The following BRF1 variants were observed in gnomAD, a reference collection of about 807,000 sequenced individuals.
The protein encoded by BRF1 is transcription factor IIIB 90 kDa subunit.
BRF1 carries 59 observed loss-of-function variants against 81.7 expected under a neutral mutation model. The observed-to-expected ratio is 0.72, with a 90% CI of 0.59 to 0.90. BRF1 has a LOEUF of 0.90. BRF1 is among the 40% of genes least tolerant of loss of function. BRF1 has a pLI of 0.00. For missense variants in BRF1, 1,050 were observed against 936.3 expected (o/e 1.12, Z -1.58); for synonymous variants, 491 against 395.6 (o/e 1.24, Z -2.86).
intron 3 of BRF1, among the ~76,000 whole-genome samples, chr14:105,257,350 C>G (rs2055929842): frequency 1.3e-5 from 2 of 152,152 alleles, no homozygotes; most frequent in African/African-American, 2.4e-5. Flanking sequence ...TCCCCGGGAC[C>G]AGAGCAGCAA....
At chr14:105,272,124 G>C (rs1392069282) in intron 3 of BRF1, among the ~76,000 whole-genome samples, 16 of 93,184 alleles carry the variant, frequency 1.7e-4, no homozygotes, top group East Asian at 2.9e-4. Context: ...TGAGGGTCGG[G>C]GGCCTCCTCG....
At chr14:105,296,697 A>AT in intron 1 of BRF1, among the ~76,000 whole-genome samples, 1 of 151,906 alleles carries the variant, frequency 6.6e-6, no homozygotes, top group Non-Finnish European at 1.5e-5. Flanking sequence ...AAAAGAAAAA[A>AT]AAAAAAAAAC....
rs903701443 is a variant in BRF1, at chr14:105,209,830, G to C, written c.*721C>G. The C allele has an allele frequency of 2.0e-6, 1 of 505,118 alleles. No individual in the cohort carries two copies. Among genetic ancestry groups the C allele is most frequent in the East Asian group, 3.4e-5 (1 of 29,566 alleles). The allele number at this position is 505,118 out of a possible 1,614,324, so 31.3% of individuals were successfully genotyped here. A position where few individuals can be genotyped will look rare whatever the true frequency, so the allele number is the denominator to read the frequency against. The stretch of plus-strand genomic sequence containing the variant: ...CTCAGTTCACCTGCCGGCAGCCGCA[G>C]GGCTCCTGGGCCCACAACTCAAGTG... On this transcript the variant is annotated 3_prime_UTR_variant, in exon 18 of 18. Transcript: ENST00000547530.
At chr14:105,303,968 C>A (rs144095789), upstream of BRF1, among the ~76,000 whole-genome samples, 20 of 152,336 alleles carry the variant, frequency 1.3e-4, no homozygotes, top group Middle Eastern at 6.8e-3. Flanking sequence ...CAATCTGAGG[C>A]CATGTGGCCA....
intron 5 of BRF1, chr14:105,250,054 C>CT (rs749432036): frequency 3.7e-5 from 60 of 1,612,884 alleles, no homozygotes; most frequent in Non-Finnish European, 4.8e-5. Context: ...GGCGAGCCCT[C>CT]TATCTGGTCC....
chr14:105,278,636 T>C (rs911974534), intron 2 of BRF1, among the ~76,000 whole-genome samples: 7 of 151,952 alleles, frequency 4.6e-5, no homozygotes, highest in Admixed American at 3.3e-4. Flanking sequence ...CAGGGTGCAG[T>C]GGCTCACACC....
chr14:105,285,821 G>A (rs1307276895), intron 2 of BRF1, among the ~76,000 whole-genome samples: 2 of 152,026 alleles, frequency 1.3e-5, no homozygotes, highest in African/African-American at 2.4e-5. Flanking sequence ...TCACACATCC[G>A]ATAAACGACT....
Position 105,249,873 on chromosome 14 carries a change from G to A in BRF1, c.544+2634C>T, listed in dbSNP as rs139997998. On this transcript the variant is annotated intron_variant, in intron 5 of 17. Coordinates refer to ENST00000547530, the MANE Select transcript of BRF1 (RefSeq NM_001519.4). Reference sequence around the variant, plus strand: ...GACGCACAGGCCGAGATGGCCCTACGGTCCGAAGGCTTCTGTGAGATAGAC... The same window carrying A: ...GACGCACAGGCCGAGATGGCCCTACAGTCCGAAGGCTTCTGTGAGATAGAC... 1.7e-5 allele frequency: 28 copies of A among 1,612,036 alleles called. No individual in the cohort carries two copies. In the African/African-American group the frequency reaches 2.8e-4, roughly 16 times the overall value.
chr14:105,275,693 A>T (rs895201663), intron 2 of BRF1, among the ~76,000 whole-genome samples: 2 of 152,256 alleles, frequency 1.3e-5, no homozygotes, highest in African/African-American at 4.8e-5. Context: ...CACAGGCACC[A>T]GCTCGTGTTC....
At chr14:105,241,153 A>C in intron 6 of BRF1, 112 bp downstream of exon 6, 3 of 1,500,094 alleles carry the variant, frequency 2.0e-6, no homozygotes, top group Non-Finnish European at 2.7e-6. Context: ...GGCTGGAGGC[A>C]GCTCTCAGTG....
At chr14:105,292,653 C>T (rs146228893) in intron 1 of BRF1, among the ~76,000 whole-genome samples, 1 of 152,276 alleles carries the variant, frequency 6.6e-6, no homozygotes, top group East Asian at 1.9e-4. Context: ...GAGCTGGGGA[C>T]GGGGACCCGG....
chr14:105,301,262 G>GGGA (rs1255041548), upstream of BRF1: 1 of 151,376 alleles, frequency 6.6e-6, no homozygotes, highest in African/African-American at 2.4e-5. Context: ...TAGTGAGCGC[G>GGGA]GTCTCCAGCG....
chr14:105,257,483 C>T (rs1411733958), intron 3 of BRF1, among the ~76,000 whole-genome samples: 1 of 152,226 alleles, frequency 6.6e-6, no homozygotes, highest in African/African-American at 2.4e-5. Flanking sequence ...CAAGGCCTCC[C>T]ACCCTAAGAA....
rs766062308 is a variant in BRF1 at position 105,241,250 on chromosome 14, C to G, written c.694+15G>C. On this transcript the variant is annotated intron_variant, in intron 6 of 17. Transcript: ENST00000547530. ...CCCAGACCAGCATCCCCCAGGCAGGCAGGGCCCGCTGTACCTGCTCCGCAG... is the reference window on the plus strand; with the variant it reads ...CCCAGACCAGCATCCCCCAGGCAGGGAGGGCCCGCTGTACCTGCTCCGCAG... 3 of 1,609,100 alleles carry G rather than the reference C, an allele frequency of 1.9e-6. No homozygotes were observed. The highest frequency in any genetic ancestry group is 3.3e-5 in the Admixed American group (2 of 59,978).
chr14:105,240,869 C>T (rs1595343925), intron 6 of BRF1, among the ~76,000 whole-genome samples: 1 of 143,262 alleles, frequency 7.0e-6, no homozygotes, highest in Non-Finnish European at 1.5e-5. Context: ...GGGCGGGGGA[C>T]AGCCTGGCAG....
intron 5 of BRF1, chr14:105,249,663 A>G: frequency 6.2e-7 from 1 of 1,612,830 alleles, no homozygotes; most frequent in African/African-American, 1.3e-5. Flanking sequence ...GATGAGATCG[A>G]TCTGGAAGCC....
intron 5 of BRF1, chr14:105,250,334 G>A: frequency 8.1e-6 from 13 of 1,613,514 alleles, no homozygotes; most frequent in Non-Finnish European, 1.1e-5. Flanking sequence ...TGCAGGGCTG[G>A]GCCTGTATGG....
At chr14:105,255,504 G>A (rs1334410802) in intron 4 of BRF1, among the ~76,000 whole-genome samples, 1 of 152,246 alleles carries the variant, frequency 6.6e-6, no homozygotes, top group Non-Finnish European at 1.5e-5. Context: ...CAGAACCCCT[G>A]TGGGCACCTG....
At position 105,250,045 on chromosome 14, in the gene BRF1, G is replaced by C. The variant is rs768180729; in HGVS notation, c.544+2462C>G. Reference sequence around the variant, plus strand: ...CACGAAACAAGAGGCATGTTCTGGGGCGAGCCCTCTATCTGGTCCGAATTC... The same window carrying C: ...CACGAAACAAGAGGCATGTTCTGGGCCGAGCCCTCTATCTGGTCCGAATTC... On this transcript the variant is annotated intron_variant, in intron 5 of 17. Coordinates refer to ENST00000547530, the MANE Select transcript of BRF1 (RefSeq NM_001519.4). 3.7e-6 allele frequency: 6 copies of C among 1,612,974 alleles called. No homozygotes were observed. Among genetic ancestry groups the C allele is most frequent in the Non-Finnish European group, 5.1e-6 (6 of 1,180,042 alleles).
Sources: allele counts gnomAD v4.1 joint callset (sites outside exome capture counted in the v4.1 genomes callset), GRCh38; gene constraint gnomAD v4.1.1; transcripts MANE v1.5; gene names NCBI Gene and HGNC (gene_info 2026-07-23, HGNC 2026-07-21).